SPATA4: variants seen among roughly 807,000 people sequenced by gnomAD.
The protein encoded by SPATA4 is spermatogenesis associated 4, also known as spermatogenesis-associated protein 4.
In SPATA4, 35 loss-of-function variants were observed where a neutral mutation model predicts 31.8. That is an observed-to-expected ratio of 1.10 (90% CI 0.84 to 1.46). The LOEUF is 1.46. Ranked by LOEUF, SPATA4 falls within the 40% of genes most tolerant of loss-of-function variation. SPATA4 has a pLI of 0.00. For synonymous variants in SPATA4, 126 were observed against 132.4 expected, an observed-to-expected ratio of 0.95 and a Z score of 0.33; for missense variants, 394 against 363.1, an observed-to-expected ratio of 1.09 and a Z score of -0.69.
intron 4 of SPATA4, among the ~76,000 whole-genome samples, chr4:176,188,502 TAAAC>T (rs1208555262): frequency 3.9e-5 from 6 of 152,120 alleles, no homozygotes; most frequent in Admixed American, 2.6e-4. Flanking sequence ...TACAAAAAGG[TAAAC>T]AAACAGTAAG....
At chr4:176,186,973 G>T (rs1752454043) in intron 5 of SPATA4, among the ~76,000 whole-genome samples, 1 of 152,080 alleles carries the variant, frequency 6.6e-6, no homozygotes, top group African/African-American at 2.4e-5. Context: ...TTCTGTAAAG[G>T]GCTGGAGAGT....
At chr4:176,194,688 A>G (rs1752585294) in intron 1 of SPATA4, 1 of 149,914 alleles carries the variant, frequency 6.7e-6, no homozygotes. Context: ...ACTAGATGCC[A>G]TCTCCGACAA....
In SPATA4 at chr4:176,195,557, A is replaced by T; in HGVS notation, c.6T>A (p.Ala2=). Residue 2 remains alanine, a synonymous_variant, in exon 1 of 6, where the codon GCT becomes GCA. Transcript: ENST00000280191. M[A]AAGQEKGYLT... ...AATACCCTTTTTCCTGGCCGGCGGCAGCCATGACGCTTTCTGGGTTGCTGC... is the reference window on the plus strand; with the variant it reads ...AATACCCTTTTTCCTGGCCGGCGGCTGCCATGACGCTTTCTGGGTTGCTGC... The T allele has an allele frequency of 6.2e-7, 1 of 1,614,098 alleles. No homozygotes were observed. Among genetic ancestry groups the T allele is most frequent in the Non-Finnish European group, 8.5e-7 (1 of 1,180,002 alleles).
intron 1 of SPATA4, chr4:176,193,836 G>T (rs1440847939): frequency 3.5e-6 from 1 of 285,468 alleles, no homozygotes; most frequent in Non-Finnish European, 6.5e-6. Context: ...ATCCCCAGGT[G>T]ATTCATATGC....
chr4:176,193,022 G>GAATT lies in SPATA4; in HGVS notation c.399_402dup (p.His135AsnfsTer4), dbSNP rs777695961. ...ATTTCAGGCACTCCAGCTTTACAAT[G>GAATT]AATTGTTCCATGGATTAGTTCTTTA... On this transcript the variant is annotated frameshift_variant, in exon 3 of 6. Coordinates refer to ENST00000280191, the MANE Select transcript of SPATA4 (RefSeq NM_144644.4). LOFTEE classifies it high-confidence loss of function. 6.2e-7 allele frequency: 1 copy of GAATT among 1,610,818 alleles called. No homozygotes were observed. Among genetic ancestry groups the GAATT allele is most frequent in the Middle Eastern group, 1.6e-4 (1 of 6,074 alleles).
intron 5 of SPATA4, among the ~76,000 whole-genome samples, chr4:176,187,473 C>T (rs767528684): frequency 2.0e-5 from 3 of 151,896 alleles, no homozygotes; most frequent in African/African-American, 7.3e-5. Flanking sequence ...GGCGTGGCAC[C>T]GTGCGTTGTA....
At chr4:176,192,919 A>G (rs1374287761) in intron 3 of SPATA4, 39 bp downstream of exon 3, 41 of 1,583,340 alleles carry the variant, frequency 2.6e-5, no homozygotes, top group Non-Finnish European at 3.4e-5. Context: ...CAAAAGTTTC[A>G]CATTAAATTG....
At chr4:176,187,213 G>A (rs1044904543) in intron 5 of SPATA4, among the ~76,000 whole-genome samples, 23 of 152,278 alleles carry the variant, frequency 1.5e-4, no homozygotes, top group Admixed American at 6.5e-4. Flanking sequence ...AAGGGTCAAA[G>A]CAGCCGTAAG....
chr4:176,189,992 T>G lies in SPATA4; in HGVS notation c.689-1757A>C, dbSNP rs368391346. 9.2e-5 allele frequency among the ~76,000 whole-genome samples: 14 copies of G among 152,278 alleles called. No homozygotes were observed. The East Asian group carries it at 2.3e-3, about 25-fold the overall frequency. On this transcript the variant is annotated intron_variant, in intron 4 of 5. Transcript: ENST00000280191. ...TGCACGTGAGAGGGTCCTGATTGAT[T>G]GAGCAAGCAGCGGGTACGTGACTGG...
chr4:176,191,605 G>C (rs899921504), intron 4 of SPATA4, among the ~76,000 whole-genome samples: 9 of 152,284 alleles, frequency 5.9e-5, no homozygotes, highest in African/African-American at 2.2e-4. Context: ...ACGTGCATGT[G>C]TGATAAATAT....
At chr4:176,190,603 T>C (rs1752513324) in intron 4 of SPATA4, among the ~76,000 whole-genome samples, 1 of 152,210 alleles carries the variant, frequency 6.6e-6, no homozygotes. Context: ...CAGTTTCTTA[T>C]GTTTGCAGGA....
intron 4 of SPATA4, among the ~76,000 whole-genome samples, chr4:176,189,914 C>T (rs1251279100): frequency 6.6e-6 from 1 of 152,154 alleles, no homozygotes; most frequent in African/African-American, 2.4e-5. Context: ...AAGAGCTGAG[C>T]TCTCTGAGTG....
rs777449409 is a variant in SPATA4, at chr4:176,195,477, G to A, written c.86C>T (p.Ala29Val). Reference sequence around the variant, plus strand: ...CTTAGGCCTCCCTCGGATGGGAGCTGCTAGCTGTGGCGAAAGTGACGGTGA... The same window carrying A: ...CTTAGGCCTCCCTCGGATGGGAGCTACTAGCTGTGGCGAAAGTGACGGTGA... The part of the protein sequence containing the change: ...DKSPSLSPQL[A>V]APIRGRPKKC... Residue 29 changes from alanine to valine, a missense_variant, in exon 1 of 6, where the codon GCA becomes GTA. Ala to Val is a moderately conservative substitution (Grantham distance 64). Transcript: ENST00000280191. The A allele has an allele frequency of 6.2e-7, 1 of 1,614,278 alleles. No homozygotes were observed. The highest frequency in any genetic ancestry group is 1.7e-5 in the Admixed American group (1 of 60,026).
rs1416787536 is a variant in SPATA4 at position 176,195,378 on chromosome 4, A to G, written c.185T>C (p.Leu62Pro). 1 of 1,614,206 alleles carries G rather than the reference A, an allele frequency of 6.2e-7. No homozygotes were observed. The highest frequency in any genetic ancestry group is 1.7e-5 in the Admixed American group (1 of 60,032). The change falls in exon 1 of 6, where the codon CTG (leucine) becomes CCG (proline). Residue 62 changes from leucine to proline, a missense_variant. Physicochemically the swap from Leu to Pro is moderately conservative, Grantham distance 98. Transcript: ENST00000280191. The part of the protein sequence containing the change: ...SRSVLRWLQG[L>P]DLSFFPRNIN... ...GTTCCTGGGGAAGAAGCTGAGATCC[A>G]GACCCTGAAGCCAACGCAGAACGGA... is the stretch of plus-strand genomic sequence containing the variant.
At chr4:176,190,473 CTG>C (rs1752511833) in intron 4 of SPATA4, among the ~76,000 whole-genome samples, 1 of 152,224 alleles carries the variant, frequency 6.6e-6, no homozygotes, top group South Asian at 2.1e-4. Context: ...GTACAGAAGT[CTG>C]TGTCCTCTAT....
chr4:176,192,903 T>A lies in SPATA4; in HGVS notation c.467+55A>T. Reference sequence around the variant, plus strand: ...AGCAACATTTTAGCAATGAGTTTTATATTATCAAAAGTTTCACATTAAATT... The same window carrying A: ...AGCAACATTTTAGCAATGAGTTTTAAATTATCAAAAGTTTCACATTAAATT... On this transcript the variant is annotated intron_variant, in intron 3 of 5. Coordinates refer to ENST00000280191, the MANE Select transcript of SPATA4 (RefSeq NM_144644.4). 4.4e-6 allele frequency: 7 copies of A among 1,588,050 alleles called. 1 individual carries two copies. In the South Asian group the frequency reaches 8.0e-5, roughly 18 times the overall value.
chr4:176,189,039 C>G (rs1752488046), intron 4 of SPATA4, among the ~76,000 whole-genome samples: 1 of 152,112 alleles, frequency 6.6e-6, no homozygotes, highest in African/African-American at 2.4e-5. Flanking sequence ...GAGCACTGCT[C>G]AAGAATTGGA....
intron 1 of SPATA4, chr4:176,194,908 G>C (rs1752590581): frequency 6.3e-6 from 1 of 158,808 alleles, no homozygotes; most frequent in African/African-American, 2.4e-5. Context: ...CTAATTTTTT[G>C]TATTTTTTAG....
At position 176,193,011 on chromosome 4, in the gene SPATA4, A is replaced by G. The variant is rs1752557812; in HGVS notation, c.414T>C (p.Ala138=). 3 of 1,611,392 alleles carry G rather than the reference A, an allele frequency of 1.9e-6. No homozygotes were observed. In the Middle Eastern group the frequency reaches 5.0e-4, roughly 266 times the overall value. Residue 138 remains alanine, a synonymous_variant, in exon 3 of 6, where the codon GCT becomes GCC. Coordinates refer to ENST00000280191, the MANE Select transcript of SPATA4 (RefSeq NM_144644.4). ...ELIHGTIHCK[A]GVPEILIEEV... Reference sequence around the variant, plus strand: ...CTTCTATCAATATTTCAGGCACTCCAGCTTTACAATGAATTGTTCCATGGA... The same window carrying G: ...CTTCTATCAATATTTCAGGCACTCCGGCTTTACAATGAATTGTTCCATGGA...
Sources: allele counts gnomAD v4.1 joint callset (sites outside exome capture counted in the v4.1 genomes callset), GRCh38; gene constraint gnomAD v4.1.1; transcripts MANE v1.5; gene names NCBI Gene and HGNC (gene_info 2026-07-23, HGNC 2026-07-21).